The following SCRG1 variants were observed in gnomAD, a reference collection of about 807,000 sequenced individuals.
SCRG1 encodes the protein stimulator of chondrogenesis 1.
SCRG1 carries 3 observed loss-of-function variants against 7.7 expected under a neutral mutation model. The observed-to-expected ratio is 0.39, with a 90% CI of 0.18 to 1.01. The LOEUF (loss-of-function observed/expected upper bound fraction) is 1.01, where lower values mean the gene tolerates loss of function less well. Ranked by LOEUF, SCRG1 falls within the 50% of genes least tolerant of loss-of-function variation. SCRG1 has a pLI of 0.36. For synonymous variants in SCRG1, 46 were observed against 41.2 expected (o/e 1.12, Z -0.44); for missense variants, 110 against 117.2 (o/e 0.94, Z 0.28).
chr4:173,472,847 G>T, the SCRG1 span, among the ~76,000 whole-genome samples: 4 of 152,128 alleles, frequency 2.6e-5, no homozygotes, highest in Non-Finnish European at 5.9e-5. Context: ...ACCCTGTGGG[G>T]CAGTCAAGTT....
the SCRG1 span, among the ~76,000 whole-genome samples, chr4:173,431,140 G>T: frequency 5.3e-5 from 8 of 152,182 alleles, no homozygotes; most frequent in African/African-American, 1.9e-4. Context: ...AAAAAGAAAA[G>T]AAGTATGTTT....
chr4:173,440,868 C>T, the SCRG1 span, among the ~76,000 whole-genome samples: 4 of 152,206 alleles, frequency 2.6e-5, no homozygotes, highest in Non-Finnish European at 5.9e-5. Flanking sequence ...TCTCTACCTT[C>T]ATCTTCATAT....
intron 2 of SCRG1, 82 bp downstream of exon 2, chr4:173,391,091 A>C (rs1456763287): frequency 2.7e-6 from 4 of 1,459,524 alleles, no homozygotes; most frequent in Non-Finnish European, 3.8e-6. Context: ...TATTAATTTC[A>C]GCAAACCTAT....
chr4:173,432,858 A>G, the SCRG1 span, among the ~76,000 whole-genome samples: 2 of 152,142 alleles, frequency 1.3e-5, no homozygotes, highest in African/African-American at 4.8e-5. Flanking sequence ...GTACAGATTC[A>G]CGTAACACTA....
chr4:173,481,864 T>A, the SCRG1 span, among the ~76,000 whole-genome samples: 3 of 152,102 alleles, frequency 2.0e-5, no homozygotes, highest in African/African-American at 7.2e-5. Context: ...CAGTCAACAG[T>A]AGGCTATTAG....
the SCRG1 span, among the ~76,000 whole-genome samples, chr4:173,493,601 A>G: frequency 6.9e-6 from 1 of 145,060 alleles, no homozygotes. Context: ...CTGGTGACAG[A>G]GCAAGACTCA....
the SCRG1 span, among the ~76,000 whole-genome samples, chr4:173,485,084 T>A: frequency 1.4e-4 from 1 of 7,392 alleles, no homozygotes; most frequent in Admixed American, 3.6e-3. Context: ...TATTATATAA[T>A]ATATTATATA....
At chr4:173,418,076 T>C in the SCRG1 span, among the ~76,000 whole-genome samples, 1 of 152,142 alleles carries the variant, frequency 6.6e-6, no homozygotes, top group Admixed American at 6.5e-5. Flanking sequence ...GTGGTGGCAA[T>C]TGGCATAGAT....
the SCRG1 span, among the ~76,000 whole-genome samples, chr4:173,506,398 C>T: frequency 1.3e-5 from 2 of 152,156 alleles, no homozygotes; most frequent in African/African-American, 4.8e-5. This position sits in a 1 kb window ranked among gnomAD's most constrained non-coding sequence, Gnocchi z 5.3. Flanking sequence ...TGCAGGGCCC[C>T]TCAGTGTGCC....
At chr4:173,444,792 C>T in the SCRG1 span, among the ~76,000 whole-genome samples, 1 of 152,108 alleles carries the variant, frequency 6.6e-6, no homozygotes, top group African/African-American at 2.4e-5. Flanking sequence ...GGCATTTTGC[C>T]ACCTACCTGA....
At chr4:173,468,020 A>G in the SCRG1 span, 1 of 152,606 alleles carries the variant, frequency 6.6e-6, no homozygotes, top group African/African-American at 2.4e-5. Flanking sequence ...TAAGCCCATA[A>G]AAGTTGCCAA....
At chr4:173,392,263 G>T (rs1480398861) in intron 1 of SCRG1, among the ~76,000 whole-genome samples, 1 of 152,150 alleles carries the variant, frequency 6.6e-6, no homozygotes, top group Non-Finnish European at 1.5e-5. Context: ...TACACATTAT[G>T]GTTGCAAATT....
chr4:173,393,082 C>T (rs1311961994), intron 1 of SCRG1, among the ~76,000 whole-genome samples: 1 of 140,470 alleles, frequency 7.1e-6, no homozygotes, highest in Non-Finnish European at 1.6e-5. Context: ...CAGAGCGAGA[C>T]TCCGTCTCGA....
chr4:173,483,983 A>G, the SCRG1 span, among the ~76,000 whole-genome samples: 1 of 48,076 alleles, frequency 2.1e-5, no homozygotes, highest in African/African-American at 5.8e-5. Flanking sequence ...AATATATAGT[A>G]TATTATATAT....
chr4:173,484,339 A>ATGT, the SCRG1 span, among the ~76,000 whole-genome samples: 1 of 47,358 alleles, frequency 2.1e-5, no homozygotes, highest in South Asian at 6.7e-4. Flanking sequence ...TATATTTAAC[A>ATGT]TATTATATAA....
chr4:173,501,167 G>T, the SCRG1 span, among the ~76,000 whole-genome samples: 1 of 152,214 alleles, frequency 6.6e-6, no homozygotes, highest in Non-Finnish European at 1.5e-5. This position sits in a 1 kb window ranked among gnomAD's most constrained non-coding sequence, Gnocchi z 5.1. Flanking sequence ...CTGCTTCCGG[G>T]TCTCGGCAAG....
At chr4:173,428,934 C>T in the SCRG1 span, among the ~76,000 whole-genome samples, 7 of 152,098 alleles carry the variant, frequency 4.6e-5, no homozygotes, top group African/African-American at 1.7e-4. Flanking sequence ...TAATTTTTTT[C>T]TAAATAATCC....
chr4:173,427,224 C>T, the SCRG1 span, among the ~76,000 whole-genome samples: 3 of 152,200 alleles, frequency 2.0e-5, no homozygotes, highest in East Asian at 5.8e-4. Flanking sequence ...TGGCACATCA[C>T]TGGTATGTAT....
chr4:173,480,337 G>T, the SCRG1 span, among the ~76,000 whole-genome samples: 3 of 151,868 alleles, frequency 2.0e-5, no homozygotes, highest in Non-Finnish European at 2.9e-5. Context: ...AAGTGATGAA[G>T]ACCAGGACTG....
Sources: gnomAD v4.1 joint callset for allele counts (sites outside exome capture counted in the v4.1 genomes callset) on GRCh38, gnomAD v4.1.1 for gene constraint, Gnocchi (gnomAD v3.1) non-coding constraint, MANE v1.5 for transcripts, NCBI Gene and HGNC (gene_info 2026-07-23, HGNC 2026-07-21) for gene names.